Variants in SLC39A10 observed in about 807,000 individuals in gnomAD.
The protein encoded by SLC39A10 is zinc transporter ZIP10.
A neutral mutation model predicts 65.1 loss-of-function variants in SLC39A10; 13 were observed. The observed-to-expected ratio is 0.20, with a 90% CI of 0.13 to 0.32. SLC39A10 has a LOEUF of 0.32. Ranked by LOEUF, SLC39A10 falls within the 10% of genes least tolerant of loss-of-function variation. The pLI is 1.00. For missense variants in SLC39A10, 831 were observed against 1,018.4 expected, an observed-to-expected ratio of 0.82 and a Z score of 2.50; for synonymous variants, 321 against 342.2, an observed-to-expected ratio of 0.94 and a Z score of 0.68.
chr2:195,636,144 G>A (rs1688692717), intron 2 of SLC39A10, among the ~76,000 whole-genome samples: 1 of 152,152 alleles, frequency 6.6e-6, no homozygotes, highest in African/African-American at 2.4e-5. Context: ...ATCTGAGATA[G>A]CTATTAAAAT....
At chr2:195,696,552 T>G (rs1415960417) in intron 3 of SLC39A10, among the ~76,000 whole-genome samples, 1 of 152,066 alleles carries the variant, frequency 6.6e-6, no homozygotes, top group Non-Finnish European at 1.5e-5. Flanking sequence ...TTGCATAGCA[T>G]TTATATTGTG....
At chr2:195,681,591 T>G (rs561116926) in intron 2 of SLC39A10, among the ~76,000 whole-genome samples, 1 of 152,180 alleles carries the variant, frequency 6.6e-6, no homozygotes, top group Non-Finnish European at 1.5e-5. Flanking sequence ...TCTTATATTC[T>G]CAAATTTGGT....
At chr2:195,722,539 G>A (rs1692084337) in intron 8 of SLC39A10, among the ~76,000 whole-genome samples, 1 of 152,198 alleles carries the variant, frequency 6.6e-6, no homozygotes, top group South Asian at 2.1e-4. Flanking sequence ...TCCCTACTCT[G>A]ATCAGATCAT....
At chr2:195,700,517 G>A (rs6706771) in intron 3 of SLC39A10, among the ~76,000 whole-genome samples, 19 of 151,890 alleles carry the variant, frequency 1.3e-4, no homozygotes, top group African/African-American at 4.4e-4. Context: ...CAACTTCATC[G>A]CCACACCTTT....
rs111503318 is a variant in SLC39A10 at position 195,713,459 on chromosome 2, G to A, written c.1602G>A (p.Gln534=). The change falls in exon 6 of 10, where the codon CAG becomes CAA. Residue 534 remains glutamine, a synonymous_variant. Transcript: ENST00000359634. ...QRGKQKWFMK[Q]NTEESTIGRK... is the part of the protein sequence containing the mutation. ...GAAAACAGAAATGGTTTATGAAACA[G>A]AACACAGAAGAATCAACTATTGGAA... is the stretch of plus-strand genomic sequence containing the variant. The A allele has an allele frequency of 5.2e-5, 81 of 1,571,094 alleles. No homozygotes were observed. In the African/African-American group the frequency reaches 7.5e-4, roughly 15 times the overall value.
upstream of SLC39A10, among the ~76,000 whole-genome samples, chr2:195,652,512 G>A (rs1689057741): frequency 2.0e-5 from 3 of 147,754 alleles, no homozygotes; most frequent in South Asian, 6.4e-4. Flanking sequence ...TCTCGCCACT[G>A]CACTCCAGCC....
rs562045104 is a variant in SLC39A10 at position 195,701,360 on chromosome 2, C to T, written c.1217-5256C>T. 5.7e-5 allele frequency among the ~76,000 whole-genome samples: 7 copies of T among 123,082 alleles called. No individual in the cohort carries two copies. The East Asian group carries it at 1.6e-3, about 29-fold the overall frequency. The allele number at this position is 123,082 out of a possible 152,430, so 80.7% of individuals were successfully genotyped here. A position where few individuals can be genotyped will look rare whatever the true frequency, so the allele number is the denominator to read the frequency against. On this transcript the variant is annotated intron_variant, in intron 3 of 9. Transcript: ENST00000359634. ...GACTTTTTTTTTTTTTTTTAGCATC[C>T]TTCAGACAGTTGTTTTAAAGTCATT...
Position 195,716,825 on chromosome 2 carries a change from C to A in SLC39A10, c.1885C>A (p.His629Asn), listed in dbSNP as rs1691830808. 1 of 1,614,126 alleles carries A rather than the reference C, an allele frequency of 6.2e-7. No homozygotes were observed. The highest frequency in any genetic ancestry group is 8.5e-7 in the Non-Finnish European group (1 of 1,180,020). Reference protein sequence around the residue: ...HDLHAAAHNHHGENKTVLRKH... With the variant: ...HDLHAAAHNHNGENKTVLRKH... ...TCTCCATGCTGCTGCACATAACCAC[C>A]ACGGCGAGAACAAAACTGTGCTGAG... The change falls in exon 7 of 10, where the codon CAC becomes AAC. Residue 629 changes from histidine (H) to asparagine (N), a missense_variant. His to Asn is a moderately conservative substitution (Grantham distance 68, BLOSUM62 1). Transcript: ENST00000359634.
intron 1 of SLC39A10, among the ~76,000 whole-genome samples, chr2:195,659,831 G>A (rs908120983): frequency 6.6e-6 from 1 of 152,054 alleles, no homozygotes. Flanking sequence ...TTCATTAGTG[G>A]TTGAAGGTCT....
chr2:195,628,919 C>T (rs1478701794), intron 2 of SLC39A10, among the ~76,000 whole-genome samples: 1 of 152,150 alleles, frequency 6.6e-6, no homozygotes, highest in Non-Finnish European at 1.5e-5. Context: ...CTGCATAGTC[C>T]ATTACCTACT....
intron 1 of SLC39A10, among the ~76,000 whole-genome samples, chr2:195,664,958 G>C (rs148231109): frequency 0.018 from 2,755 of 152,180 alleles, 79 homozygotes; most frequent in African/African-American, 0.062. Context: ...CGGGGTGGGA[G>C]GATTACTTAA....
At position 195,735,819 on chromosome 2, in the gene SLC39A10, T is replaced by G. The variant is rs1415742065; in HGVS notation, c.*778T>G. The G allele has an allele frequency of 6.6e-6, 1 of 151,636 alleles. No individual in the cohort carries two copies. Among genetic ancestry groups the G allele is most frequent in the East Asian group, 1.9e-4 (1 of 5,192 alleles). 9.4% of individuals were successfully genotyped at this position (151,636 alleles called of 1,614,324 possible). A position where few individuals can be genotyped will look rare whatever the true frequency, so the allele number is the denominator to read the frequency against. ...ATTTTGTTTTGATTTTTTTTTTTTT[T>G]TTTTGGCGGGGGTAGGTGAGGGTTT... On this transcript the variant is annotated 3_prime_UTR_variant, in exon 10 of 10. Coordinates refer to ENST00000359634, the MANE Select transcript of SLC39A10 (RefSeq NM_020342.3).
intron 8 of SLC39A10, among the ~76,000 whole-genome samples, chr2:195,723,759 T>A (rs933865821): frequency 6.7e-6 from 1 of 148,678 alleles, no homozygotes. Flanking sequence ...AAAAAAAAAA[T>A]ACAGCCATGG....
intron 2 of SLC39A10, among the ~76,000 whole-genome samples, chr2:195,630,367 G>T (rs1023296511): frequency 5.9e-5 from 9 of 152,014 alleles, no homozygotes; most frequent in African/African-American, 2.2e-4. Flanking sequence ...TGGAAGGGAT[G>T]CAGGGCTTCC....
chr2:195,675,402 A>G (rs1690041845), intron 1 of SLC39A10, among the ~76,000 whole-genome samples: 1 of 152,098 alleles, frequency 6.6e-6, no homozygotes, highest in South Asian at 2.1e-4. Flanking sequence ...TTATTGCAAT[A>G]GTTCACATTA....
chr2:195,677,229 C>G (rs1690123963), intron 1 of SLC39A10, among the ~76,000 whole-genome samples: 1 of 152,132 alleles, frequency 6.6e-6, no homozygotes, highest in Non-Finnish European at 1.5e-5. Context: ...TGGTCTTCTC[C>G]CAATTATTAC....
intron 3 of SLC39A10, among the ~76,000 whole-genome samples, chr2:195,687,657 C>T (rs567020112): frequency 8.5e-4 from 130 of 152,260 alleles, no homozygotes; most frequent in Non-Finnish European, 1.3e-3. Context: ...TAATGCCCTG[C>T]TAGTAATTAG....
chr2:195,669,766 G>A (rs58511731), intron 1 of SLC39A10, among the ~76,000 whole-genome samples: 1 of 152,184 alleles, frequency 6.6e-6, no homozygotes, highest in African/African-American at 2.4e-5. Context: ...GGGAGGCTGA[G>A]GTGGGGAGGA....
chr2:195,638,747 T>G (rs920967473), intron 2 of SLC39A10, among the ~76,000 whole-genome samples: 2 of 152,216 alleles, frequency 1.3e-5, no homozygotes, highest in African/African-American at 4.8e-5. Context: ...TGTTCGTGTA[T>G]TTGTTACAAT....
Sources: gnomAD v4.1 joint callset for allele counts (sites outside exome capture counted in the v4.1 genomes callset) on GRCh38, gnomAD v4.1.1 for gene constraint, MANE v1.5 for transcripts, NCBI Gene and HGNC (gene_info 2026-07-23, HGNC 2026-07-21) for gene names.